HACD2: variants seen among roughly 807,000 people sequenced by gnomAD.
HACD2 encodes the protein very-long-chain (3R)-3-hydroxyacyl-CoA dehydratase 2.
Under a neutral mutation model 31.0 loss-of-function variants are expected in HACD2, and 15 were observed. The ratio of observed to expected loss-of-function variants is 0.48; its 90% CI spans 0.32 to 0.75. The LOEUF (loss-of-function observed/expected upper bound fraction) is 0.75, where lower values mean the gene tolerates loss of function less well. Among genes scored for constraint, HACD2 ranks in the 30% least tolerant of loss-of-function variants. HACD2 has a pLI of 0.03. For synonymous variants in HACD2, 115 were observed against 122.2 expected (o/e 0.94, Z 0.39); for missense variants, 283 against 313.0 (o/e 0.90, Z 0.72).
intron 4 of HACD2, among the ~76,000 whole-genome samples, chr3:123,518,964 T>C (rs1307552629): frequency 3.3e-5 from 4 of 122,674 alleles, no homozygotes; most frequent in African/African-American, 6.5e-5. Flanking sequence ...GTCACTGCAC[T>C]CCAGCCTGGA....
At chr3:123,581,486 C>T (rs900605724) in intron 2 of HACD2, among the ~76,000 whole-genome samples, 13 of 152,142 alleles carry the variant, frequency 8.5e-5, no homozygotes, top group African/African-American at 2.7e-4. Context: ...TAAACACCCT[C>T]CCTGTTTCCC....
At chr3:123,531,126 A>C (rs1007595932) in intron 3 of HACD2, among the ~76,000 whole-genome samples, 2 of 152,058 alleles carry the variant, frequency 1.3e-5, no homozygotes, top group African/African-American at 4.8e-5. Flanking sequence ...TCAGCCTCCC[A>C]AAGTGCTGGG....
At position 123,518,023 on chromosome 3, in the gene HACD2, T is replaced by A. The variant is rs1477570316; in HGVS notation, c.381+10363A>T. ...CCGGCTAAAACGGTGAAACCCCGTC[T>A]CTACTAAAAATACAAAAAATTAGCC... On this transcript the variant is annotated intron_variant, in intron 4 of 6. Transcript: ENST00000383657. Among the ~76,000 whole-genome samples, 2 of 7,694 alleles carry A rather than the reference T, an allele frequency of 2.6e-4. 1 individual carries two copies. The highest frequency in any genetic ancestry group is 2.8e-4 in the African/African-American group (2 of 7,246). 5.0% of individuals were successfully genotyped at this position (7,694 alleles called of 152,430 possible). A position where few individuals can be genotyped will look rare whatever the true frequency, so the allele number is the denominator to read the frequency against.
chr3:123,575,529 T>C (rs908384890), intron 2 of HACD2, among the ~76,000 whole-genome samples: 4 of 152,224 alleles, frequency 2.6e-5, no homozygotes, highest in African/African-American at 7.2e-5. Context: ...GAAAGTCCTA[T>C]TGGACAGTGC....
rs143824472 is a variant in HACD2, at chr3:123,529,241, C to T, written c.293-767G>A. 4.3e-3 allele frequency among the ~76,000 whole-genome samples: 661 copies of T among 152,264 alleles called. 4 individuals are homozygous for T. Among genetic ancestry groups the T allele is most frequent in the African/African-American group, 0.015 (643 of 41,564 alleles). ...TCAGCCTCCCAAGTAGCTGGGACTA[C>T]AGGCATGTGCCACCATCGCTGGCTA... On this transcript the variant is annotated intron_variant, in intron 3 of 6. Transcript: ENST00000383657.
chr3:123,584,622 G>A, intron 1 of HACD2: 2 of 318,028 alleles, frequency 6.3e-6, no homozygotes, highest in East Asian at 5.1e-5. Context: ...GCCAGCGCCC[G>A]GCAGCCGTCC....
chr3:123,506,189 C>G (rs2055973943), intron 4 of HACD2, among the ~76,000 whole-genome samples: 1 of 152,124 alleles, frequency 6.6e-6, no homozygotes, highest in African/African-American at 2.4e-5. Context: ...TCCAAAAGGC[C>G]AGAGAGGAGA....
intron 3 of HACD2, among the ~76,000 whole-genome samples, chr3:123,536,000 T>C (rs2056420917): frequency 1.3e-5 from 2 of 152,354 alleles, no homozygotes; most frequent in South Asian, 2.1e-4. Flanking sequence ...AGATAAAGTA[T>C]ATAAAGCAAA....
intron 3 of HACD2, among the ~76,000 whole-genome samples, chr3:123,536,090 T>C (rs1277413091): frequency 3.3e-5 from 5 of 152,216 alleles, no homozygotes; most frequent in African/African-American, 1.2e-4. Flanking sequence ...TTTATACACA[T>C]TCTTCTATAC....
rs577632783 is a variant in HACD2 at position 123,494,052 on chromosome 3, C to A, written c.*836G>T. On this transcript the variant is annotated 3_prime_UTR_variant, in exon 7 of 7. Transcript: ENST00000383657. ...ATCAGTGCATCAGTGAGAATAGCTA[C>A]TGGCAAACACGTTACTCAGAGGTGT... 6.6e-6 allele frequency: 1 copy of A among 152,348 alleles called. No homozygotes were observed. The highest frequency in any genetic ancestry group is 1.9e-4 in the East Asian group (1 of 5,184). The allele number at this position is 152,348 out of a possible 1,614,324, so 9.4% of individuals were successfully genotyped here.
intron 3 of HACD2, among the ~76,000 whole-genome samples, chr3:123,538,261 C>T (rs73857663): frequency 8.5e-4 from 129 of 152,160 alleles, no homozygotes; most frequent in African/African-American, 2.7e-3. Context: ...TATTGGGTTC[C>T]GACAAAAGAA....
At chr3:123,496,397 A>G (rs2055833326) in intron 6 of HACD2, among the ~76,000 whole-genome samples, 1 of 152,094 alleles carries the variant, frequency 6.6e-6, no homozygotes, top group South Asian at 2.1e-4. Flanking sequence ...TCTCCTGACA[A>G]GTTTCTTCCT....
intron 4 of HACD2, among the ~76,000 whole-genome samples, chr3:123,526,493 A>G (rs1462778407): frequency 6.6e-6 from 1 of 152,190 alleles, no homozygotes; most frequent in African/African-American, 2.4e-5. Flanking sequence ...AGAATGTACT[A>G]CATACTTCAG....
intron 6 of HACD2, among the ~76,000 whole-genome samples, chr3:123,495,596 TAAAAAA>T (rs57926133): frequency 2.7e-5 from 4 of 148,112 alleles, no homozygotes; most frequent in African/African-American, 2.5e-5. Flanking sequence ...GTTTGGATGT[TAAAAAA>T]AAAAAAAAAA....
intron 3 of HACD2, among the ~76,000 whole-genome samples, chr3:123,539,976 A>C (rs1294402611): frequency 6.9e-6 from 1 of 144,382 alleles, no homozygotes; most frequent in Non-Finnish European, 1.5e-5. Flanking sequence ...AATCCCAGCT[A>C]CTCAGGAGGC....
At chr3:123,540,756 A>G (rs1475060591) in intron 3 of HACD2, among the ~76,000 whole-genome samples, 1 of 152,138 alleles carries the variant, frequency 6.6e-6, no homozygotes, top group Non-Finnish European at 1.5e-5. Context: ...CATCACAGAC[A>G]GTTTTTTTTT....
Position 123,543,866 on chromosome 3 carries a change from T to C in HACD2, c.293-15392A>G, listed in dbSNP as rs148110865. 2.3e-5 allele frequency: 4 copies of C among 176,470 alleles called. No homozygotes were observed. In the East Asian group the frequency reaches 6.7e-4, roughly 30 times the overall value. 10.9% of individuals were successfully genotyped at this position (176,470 alleles called of 1,614,324 possible). A position where few individuals can be genotyped will look rare whatever the true frequency, so the allele number is the denominator to read the frequency against. ...TAATTTATTTGTCTAATAAGTAATGTTACAGTGACATTTAAATGGAAAAAT... is the reference window on the plus strand; with the variant it reads ...TAATTTATTTGTCTAATAAGTAATGCTACAGTGACATTTAAATGGAAAAAT... On this transcript the variant is annotated intron_variant, in intron 3 of 6. Transcript: ENST00000383657.
intron 2 of HACD2, among the ~76,000 whole-genome samples, chr3:123,581,181 G>A (rs899209318): frequency 6.6e-6 from 1 of 152,164 alleles, no homozygotes; most frequent in Non-Finnish European, 1.5e-5. Context: ...TGCCAGTAAA[G>A]TATAAATGTT....
intron 3 of HACD2, among the ~76,000 whole-genome samples, chr3:123,539,987 T>C (rs1489157195): frequency 7.4e-6 from 1 of 135,272 alleles, no homozygotes; most frequent in Non-Finnish European, 1.5e-5. Flanking sequence ...CTCAGGAGGC[T>C]GAGACGGGAG....
Sources: gnomAD v4.1 joint callset for allele counts (sites outside exome capture counted in the v4.1 genomes callset) on GRCh38, gnomAD v4.1.1 for gene constraint, MANE v1.5 for transcripts, NCBI Gene and HGNC (gene_info 2026-07-23, HGNC 2026-07-21) for gene names.